Variants in FIRRM observed in about 807,000 individuals in gnomAD.
FIRRM encodes the protein FIGNL1 interacting regulator of recombination and mitosis.
At chr1:169,845,723 A>C in the FIRRM span, among the ~76,000 whole-genome samples, 1 of 152,166 alleles carries the variant, frequency 6.6e-6, no homozygotes, top group South Asian at 2.1e-4. Context: ...CAATTCAGTC[A>C]CATCTTCAGG....
chr1:169,843,640 A>G, the FIRRM span: 7 of 1,350,944 alleles, frequency 5.2e-6, no homozygotes, highest in South Asian at 8.2e-5. Context: ...ATGTGATTGA[A>G]AATTTTTCTT....
the FIRRM span, chr1:169,853,632 G>A: frequency 6.8e-7 from 1 of 1,479,810 alleles, no homozygotes; most frequent in Non-Finnish European, 9.3e-7. Flanking sequence ...GGGTTTTCTT[G>A]TCCCAAAGCC....
the FIRRM span, among the ~76,000 whole-genome samples, chr1:169,798,569 G>A: frequency 2.0e-4 from 31 of 151,760 alleles, no homozygotes; most frequent in Admixed American, 4.6e-4. Context: ...ACTTGGCCCC[G>A]AGCGAGACCC....
chr1:169,831,663 C>T, the FIRRM span, among the ~76,000 whole-genome samples: 1 of 152,128 alleles, frequency 6.6e-6, no homozygotes, highest in Non-Finnish European at 1.5e-5. Context: ...TGGATTTCTT[C>T]TAGTTCATTA....
the FIRRM span, among the ~76,000 whole-genome samples, chr1:169,787,078 G>A: frequency 5.3e-5 from 8 of 152,284 alleles, no homozygotes; most frequent in East Asian, 5.8e-4. Context: ...TAGCCAGGAC[G>A]CACAGAGAAC....
the FIRRM span, chr1:169,849,864 A>T: frequency 1.0e-5 from 5 of 499,776 alleles, no homozygotes; most frequent in African/African-American, 9.6e-5. Context: ...ACAGACACAG[A>T]CACAGTCTTC....
the FIRRM span, among the ~76,000 whole-genome samples, chr1:169,810,769 C>G: frequency 7.3e-6 from 1 of 137,922 alleles, no homozygotes; most frequent in South Asian, 2.5e-4. Flanking sequence ...AAATTGGTTT[C>G]AAAAAGAGAA....
the FIRRM span, chr1:169,792,693 G>A: frequency 6.2e-7 from 1 of 1,613,588 alleles, no homozygotes; most frequent in South Asian, 1.1e-5. Flanking sequence ...TGAAAGAGAT[G>A]AACACCTCCA....
At chr1:169,823,350 A>C in the FIRRM span, 1 of 988,394 alleles carries the variant, frequency 1.0e-6, no homozygotes, top group South Asian at 1.5e-5. Flanking sequence ...TTGTGAGATT[A>C]TATGTACTAA....
At chr1:169,810,283 T>A in the FIRRM span, among the ~76,000 whole-genome samples, 1 of 152,200 alleles carries the variant, frequency 6.6e-6, no homozygotes, top group Non-Finnish European at 1.5e-5. Context: ...TAGATTTAAT[T>A]AATATTACAC....
chr1:169,799,193 T>C, the FIRRM span, among the ~76,000 whole-genome samples: 191 of 152,360 alleles, frequency 1.3e-3, 2 homozygotes, highest in Non-Finnish European at 2.2e-3. Flanking sequence ...TGATGATGTA[T>C]GTATAAACAA....
chr1:169,827,275 T>C, the FIRRM span: 43 of 1,202,360 alleles, frequency 3.6e-5, no homozygotes, highest in East Asian at 9.7e-4. Flanking sequence ...CTAGCCATTC[T>C]TTTTTACAAT....
chr1:169,819,110 C>CAAAATT, the FIRRM span, among the ~76,000 whole-genome samples: 1 of 152,126 alleles, frequency 6.6e-6, no homozygotes, highest in Non-Finnish European at 1.5e-5. Flanking sequence ...ATAGATCCGC[C>CAAAATT]AAAATTAAGT....
chr1:169,836,351 T>A, the FIRRM span, among the ~76,000 whole-genome samples: 1 of 152,228 alleles, frequency 6.6e-6, no homozygotes, highest in Non-Finnish European at 1.5e-5. Context: ...TAGTAAGCAC[T>A]TTGGTTATTT....
the FIRRM span, among the ~76,000 whole-genome samples, chr1:169,818,950 G>C: frequency 6.6e-6 from 1 of 152,140 alleles, no homozygotes; most frequent in Non-Finnish European, 1.5e-5. Context: ...GCCTCCCAAA[G>C]TGCTGGGATT....
chr1:169,842,886 T>C, the FIRRM span, among the ~76,000 whole-genome samples: 1 of 152,176 alleles, frequency 6.6e-6, no homozygotes, highest in African/African-American at 2.4e-5. Flanking sequence ...AATAAATCTT[T>C]TGGGCAATGG....
At chr1:169,801,614 A>G in the FIRRM span, among the ~76,000 whole-genome samples, 16 of 131,500 alleles carry the variant, frequency 1.2e-4, no homozygotes, top group African/African-American at 4.7e-4. Context: ...AAAAAAAAAA[A>G]AAAGAAAAGC....
chr1:169,842,549 G>A, the FIRRM span: 1 of 1,610,452 alleles, frequency 6.2e-7, no homozygotes, highest in South Asian at 1.1e-5. Flanking sequence ...GGTAAGGAAA[G>A]CAACTGATCC....
chr1:169,787,569 C>G, the FIRRM span, among the ~76,000 whole-genome samples: 1 of 152,198 alleles, frequency 6.6e-6, no homozygotes, highest in Non-Finnish European at 1.5e-5. Flanking sequence ...TTCCCACTTG[C>G]CCATACTCTG....
Sources: allele counts gnomAD v4.1 joint callset (sites outside exome capture counted in the v4.1 genomes callset), GRCh38; gene constraint gnomAD v4.1.1; transcripts MANE v1.5; gene names NCBI Gene and HGNC (gene_info 2026-07-23, HGNC 2026-07-21).